Variants in DCAF8L2 observed in about 807,000 individuals in gnomAD.
The protein encoded by DCAF8L2 is DDB1 and CUL4 associated factor 8 like 2, also known as DDB1- and CUL4-associated factor 8-like protein 2.
For missense variants in DCAF8L2, 430 were observed against 490.7 expected (o/e 0.88, Z 1.17); for synonymous variants, 200 against 190.9 (o/e 1.05, Z -0.39).
At chrX:27,636,401 A>T (rs1928506306) in intron 2 of DCAF8L2, among the ~76,000 whole-genome samples, 1 of 112,383 alleles carries the variant, frequency 8.9e-6, no homozygotes, top group African/African-American at 3.2e-5. Context: ...TTGAGCTATC[A>T]GTACATTACT....
the DCAF8L2 span, chrX:27,519,583 A>G: frequency 7.5e-6 from 5 of 669,178 alleles, no homozygotes; most frequent in Non-Finnish European, 1.0e-5. Flanking sequence ...ACCACCAGTC[A>G]TTCCTCCGAC....
At chrX:27,516,936 G>T in the DCAF8L2 span, among the ~76,000 whole-genome samples, 1 of 111,323 alleles carries the variant, frequency 9.0e-6, no homozygotes, top group Admixed American at 9.6e-5. Flanking sequence ...GTCTATAAAA[G>T]AACAAGACTT....
chrX:27,741,695 T>C (rs1009386720), intron 4 of DCAF8L2, among the ~76,000 whole-genome samples: 11 of 111,587 alleles, frequency 9.9e-5, no homozygotes, highest in African/African-American at 3.6e-4. Context: ...TGGCTTCCTA[T>C]ATACGGTATA....
the DCAF8L2 span, among the ~76,000 whole-genome samples, chrX:27,481,174 T>C: frequency 9.0e-6 from 1 of 110,509 alleles, no homozygotes; most frequent in Admixed American, 9.8e-5. Flanking sequence ...GGTCAGGAGT[T>C]AGAGATCAGC....
chrX:27,688,277 C>T (rs1930583704), intron 3 of DCAF8L2, among the ~76,000 whole-genome samples: 1 of 111,510 alleles, frequency 9.0e-6, no homozygotes, highest in South Asian at 3.7e-4. Context: ...ACATATATGA[C>T]CATCCAATCT....
intron 4 of DCAF8L2, among the ~76,000 whole-genome samples, chrX:27,739,925 A>G (rs1018237193): frequency 1.8e-5 from 2 of 111,231 alleles, no homozygotes; most frequent in African/African-American, 6.5e-5. Flanking sequence ...CAGAGAAAGG[A>G]GAATAAATCT....
chrX:27,525,650 T>C, the DCAF8L2 span, among the ~76,000 whole-genome samples: 2 of 111,868 alleles, frequency 1.8e-5, no homozygotes, highest in Non-Finnish European at 3.8e-5. Context: ...TTGGCATGCT[T>C]TTGCAGTGGC....
the DCAF8L2 span, among the ~76,000 whole-genome samples, chrX:27,512,388 T>C: frequency 2.6e-4 from 29 of 111,451 alleles, no homozygotes; most frequent in Admixed American, 2.7e-3. Context: ...ACAGATTCAA[T>C]GTAATCGTTA....
At chrX:27,481,704 A>G in the DCAF8L2 span, among the ~76,000 whole-genome samples, 1 of 111,668 alleles carries the variant, frequency 9.0e-6, no homozygotes, top group Non-Finnish European at 1.9e-5. Flanking sequence ...TCTTTGTCAA[A>G]AAGGTGAATT....
intron 2 of DCAF8L2, among the ~76,000 whole-genome samples, chrX:27,645,434 C>T (rs147535659): frequency 0.039 from 4,378 of 111,108 alleles, 217 homozygotes; most frequent in African/African-American, 0.13. Context: ...TAATAAAAGC[C>T]ATTTATAACA....
intron 2 of DCAF8L2, among the ~76,000 whole-genome samples, chrX:27,645,707 C>T (rs1928912445): frequency 9.0e-6 from 1 of 111,702 alleles, no homozygotes; most frequent in African/African-American, 3.3e-5. Flanking sequence ...TGATGGGCAA[C>T]TTCAGCAAAA....
intron 1 of DCAF8L2, among the ~76,000 whole-genome samples, chrX:27,594,506 A>G (rs932684603): frequency 1.8e-5 from 2 of 111,800 alleles, no homozygotes; most frequent in East Asian, 5.6e-4. Flanking sequence ...ACAATTTAGC[A>G]TATTCTTCAG....
At chrX:27,742,942 C>A in intron 4 of DCAF8L2, among the ~76,000 whole-genome samples, 1 of 112,173 alleles carries the variant, frequency 8.9e-6, no homozygotes, top group Middle Eastern at 4.6e-3. Flanking sequence ...CCATAGAAAC[C>A]ATAAAACAGT....
the DCAF8L2 span, among the ~76,000 whole-genome samples, chrX:27,549,196 A>G: frequency 8.9e-6 from 1 of 111,785 alleles, no homozygotes; most frequent in Non-Finnish European, 1.9e-5. Flanking sequence ...ATTTTATTCT[A>G]TTTTAATTAT....
rs748880674 is a variant in DCAF8L2 at position 27,748,459 on chromosome X, C to T, written c.1564C>T (p.His522Tyr). ...AGGTACAATAAACTGTCTTGAACCC[C>T]ACCCTTACCTACCTGTGTTGGCGTG... ...REGTINCLEP[H>Y]PYLPVLACSG... Residue 522 changes from histidine to tyrosine, a missense_variant, in exon 5 of 5, where the codon CAC (histidine) becomes TAC (tyrosine). His to Tyr is a moderately conservative substitution (Grantham distance 83, BLOSUM62 2). Transcript: ENST00000451261. 8.3e-7 allele frequency: 1 copy of T among 1,209,028 alleles called. No homozygotes were observed. Among genetic ancestry groups the T allele is most frequent in the Non-Finnish European group, 1.1e-6 (1 of 893,676 alleles).
intron 3 of DCAF8L2, among the ~76,000 whole-genome samples, chrX:27,705,771 T>C (rs1931322184): frequency 8.9e-6 from 1 of 112,347 alleles, no homozygotes; most frequent in Non-Finnish European, 1.9e-5. Context: ...TATTTTGCTG[T>C]GCAGAAGCCC....
chrX:27,523,863 C>T, the DCAF8L2 span, among the ~76,000 whole-genome samples: 3 of 110,355 alleles, frequency 2.7e-5, no homozygotes, highest in Admixed American at 9.7e-5. Context: ...TGAGAACATG[C>T]GGTGTTTGGT....
At chrX:27,709,045 G>A (rs1931435609) in intron 3 of DCAF8L2, among the ~76,000 whole-genome samples, 1 of 111,621 alleles carries the variant, frequency 9.0e-6, no homozygotes, top group Non-Finnish European at 1.9e-5. Flanking sequence ...TCAGCCTCCC[G>A]AATAGCTGGG....
At chrX:27,702,374 G>A (rs966497924) in intron 3 of DCAF8L2, among the ~76,000 whole-genome samples, 6 of 96,446 alleles carry the variant, frequency 6.2e-5, no homozygotes, top group Non-Finnish European at 8.3e-5. Flanking sequence ...GTATTACCCC[G>A]ATACAAATAC....
Sources: gnomAD v4.1 joint callset for allele counts (sites outside exome capture counted in the v4.1 genomes callset) on GRCh38, gnomAD v4.1.1 for gene constraint, MANE v1.5 for transcripts, NCBI Gene and HGNC (gene_info 2026-07-23, HGNC 2026-07-21) for gene names.